TIAM2: variants seen among roughly 807,000 people sequenced by gnomAD.
The protein encoded by TIAM2 is TIAM Rac1 associated GEF 2, also known as rho guanine nucleotide exchange factor TIAM2.
TIAM2 carries 80 observed loss-of-function variants against 152.9 expected under a neutral mutation model. The ratio of observed to expected loss-of-function variants is 0.52; its 90% CI spans 0.44 to 0.63. The LOEUF is 0.63. Among genes scored for constraint, TIAM2 ranks in the 30% least tolerant of loss-of-function variants. The probability of loss-of-function intolerance (pLI) is 0.00; values close to 1 mark genes in which losing one functional copy is unlikely to be tolerated. For missense variants in TIAM2, 1,965 were observed against 2,120.1 expected, an observed-to-expected ratio of 0.93 and a Z score of 1.44; for synonymous variants, 804 against 838.0, an observed-to-expected ratio of 0.96 and a Z score of 0.70.
intron 15 of TIAM2, among the ~76,000 whole-genome samples, chr6:155,237,187 C>G (rs1782807947): frequency 6.6e-6 from 1 of 152,220 alleles, no homozygotes; most frequent in Non-Finnish European, 1.5e-5. Flanking sequence ...GGGCTCCAGG[C>G]CCCATGCAAT....
At chr6:155,230,999 A>ATT (rs144375888) in intron 15 of TIAM2, among the ~76,000 whole-genome samples, 13 of 146,988 alleles carry the variant, frequency 8.8e-5, no homozygotes, top group East Asian at 8.1e-4. Flanking sequence ...AGCCTGGCTA[A>ATT]TTTTTTTTTT....
At chr6:155,244,859 TGAGA>T in intron 18 of TIAM2, 76 bp downstream of exon 18, 1 of 1,473,778 alleles carries the variant, frequency 6.8e-7, no homozygotes, top group South Asian at 1.4e-5. Context: ...AATTCTCTCA[TGAGA>T]AAGAATTTCT....
At chr6:155,229,816 G>A (rs1782384902) in intron 15 of TIAM2, among the ~76,000 whole-genome samples, 1 of 152,176 alleles carries the variant, frequency 6.6e-6, no homozygotes, top group Non-Finnish European at 1.5e-5. Flanking sequence ...TCACAATCAT[G>A]GGGGAGGGTG....
At chr6:155,149,919 TAA>T (rs11306248) in intron 7 of TIAM2, among the ~76,000 whole-genome samples, 10 of 134,036 alleles carry the variant, frequency 7.5e-5, no homozygotes, top group South Asian at 2.4e-4. Flanking sequence ...AGACTCTGTA[TAA>T]AAAAAAAAAA....
intron 15 of TIAM2, among the ~76,000 whole-genome samples, chr6:155,237,910 T>C (rs1782852517): frequency 6.6e-6 from 1 of 152,260 alleles, no homozygotes; most frequent in South Asian, 2.1e-4. Flanking sequence ...TTTTCATCAT[T>C]GTCTTGGGGA....
At chr6:155,024,749 C>G (rs545937792) in intron 1 of TIAM2, among the ~76,000 whole-genome samples, 2 of 151,730 alleles carry the variant, frequency 1.3e-5, no homozygotes, top group South Asian at 4.2e-4. Flanking sequence ...TTTTACTGAG[C>G]AAATGTCCTT....
At chr6:155,122,177 A>T (rs1583201541) in intron 2 of TIAM2, 1 of 152,214 alleles carries the variant, frequency 6.6e-6, no homozygotes, top group Admixed American at 6.5e-5. Context: ...CATACTTAGG[A>T]CATTCCTCCA....
intron 2 of TIAM2, among the ~76,000 whole-genome samples, chr6:155,105,458 T>A (rs1583192515): frequency 6.6e-6 from 1 of 152,182 alleles, no homozygotes; most frequent in Middle Eastern, 3.4e-3. Context: ...CCTGGCTAAT[T>A]TTTTTATTTT....
rs778432059 is a variant in TIAM2 at position 155,129,303 on chromosome 6, C to A, written c.80C>A (p.Pro27His). ...ACTATTACTGGTGCTAAGCAAATTC[C>A]TTGCTCCCTGAAAATACGTGGCATT... ...SNTITGAKQI[P>H]CSLKIRGIHA... The change falls in exon 4 of 27, where the codon CCT becomes CAT. Residue 27 changes from proline (P) to histidine (H), a missense_variant. Pro to His is a moderately conservative substitution (Grantham distance 77). This residue lies in a region of TIAM2 where 1,025 missense variants were observed against 1,119.4 expected (regional missense o/e 0.92). Transcript: ENST00000682666. This position sits in a 1 kb window ranked among gnomAD's most constrained non-coding sequence, Gnocchi z 4.8. The A allele has an allele frequency of 6.2e-7, 1 of 1,614,200 alleles. No homozygotes were observed. Among genetic ancestry groups the A allele is most frequent in the South Asian group, 1.1e-5 (1 of 91,090 alleles).
chr6:155,021,832 C>T (rs760392481), intron 1 of TIAM2, among the ~76,000 whole-genome samples: 6 of 152,162 alleles, frequency 3.9e-5, no homozygotes, highest in African/African-American at 9.7e-5. Context: ...GCATGTGAGA[C>T]GCAGTCTGGT....
chr6:155,029,815 A>C (rs1055459594), intron 1 of TIAM2, among the ~76,000 whole-genome samples: 7 of 149,982 alleles, frequency 4.7e-5, no homozygotes, highest in Non-Finnish European at 1.0e-4. Context: ...TTTTTCTGAG[A>C]CAGGGTCTCA....
chr6:155,092,540 GA>G, intron 2 of TIAM2, among the ~76,000 whole-genome samples: 7 of 151,892 alleles, frequency 4.6e-5, no homozygotes, highest in Non-Finnish European at 1.0e-4. Flanking sequence ...TATATACTCA[GA>G]TTTTTATATA....
intron 1 of TIAM2, among the ~76,000 whole-genome samples, chr6:155,012,836 C>T (rs572752308): frequency 1.3e-5 from 2 of 152,312 alleles, no homozygotes; most frequent in Admixed American, 6.5e-5. Context: ...CAGGCGTGAG[C>T]CACTATGCCC....
chr6:155,243,927 C>A, intron 16 of TIAM2, 84 bp from the exon 17 acceptor site: 1 of 932,826 alleles, frequency 1.1e-6, no homozygotes, highest in Non-Finnish European at 1.7e-6. Flanking sequence ...GCCTTGGGAG[C>A]TGCTGCCAGG....
chr6:155,210,778 A>G (rs997322487), intron 14 of TIAM2, among the ~76,000 whole-genome samples: 17 of 152,258 alleles, frequency 1.1e-4, no homozygotes, highest in African/African-American at 4.1e-4. Context: ...TGGAATAAGT[A>G]TAATATTCCA....
chr6:155,122,598 C>T (rs1419778727), intron 2 of TIAM2, among the ~76,000 whole-genome samples: 1 of 151,252 alleles, frequency 6.6e-6, no homozygotes, highest in Non-Finnish European at 1.5e-5. Context: ...ATAATTGTCC[C>T]GTAAATAAAA....
chr6:155,217,218 G>A, intron 15 of TIAM2: 5 of 953,344 alleles, frequency 5.2e-6, no homozygotes, highest in Non-Finnish European at 7.0e-6. Flanking sequence ...CTGATATGCA[G>A]ATGAGAAGAG....
At chr6:155,236,697 C>T (rs1782778563) in intron 15 of TIAM2, among the ~76,000 whole-genome samples, 1 of 152,116 alleles carries the variant, frequency 6.6e-6, no homozygotes, top group African/African-American at 2.4e-5. Flanking sequence ...TCATATCTTA[C>T]GTGGATGGCA....
intron 1 of TIAM2, among the ~76,000 whole-genome samples, chr6:155,002,212 C>G (rs1349577659): frequency 4.6e-5 from 7 of 152,188 alleles, no homozygotes; most frequent in Non-Finnish European, 8.8e-5. Flanking sequence ...TATTTGAGAC[C>G]AGCCTAGGCA....
Sources: gnomAD v4.1 joint callset for allele counts (sites outside exome capture counted in the v4.1 genomes callset) on GRCh38, gnomAD v4.1.1 for gene constraint, gnomAD v4.1.1 regional missense constraint, Gnocchi (gnomAD v3.1) non-coding constraint, MANE v1.5 for transcripts, NCBI Gene and HGNC (gene_info 2026-07-23, HGNC 2026-07-21) for gene names.